UCHL3: variants seen among roughly 807,000 people sequenced by gnomAD.
The protein encoded by UCHL3 is ubiquitin carboxyl-terminal hydrolase isozyme L3.
Under a neutral mutation model 35.8 loss-of-function variants are expected in UCHL3, and 22 were observed. The ratio of observed to expected loss-of-function variants is 0.61; its 90% CI spans 0.44 to 0.88. The LOEUF (loss-of-function observed/expected upper bound fraction) is 0.88, where lower values mean the gene tolerates loss of function less well. Among genes scored for constraint, UCHL3 ranks in the 40% least tolerant of loss-of-function variants. The probability of loss-of-function intolerance (pLI) is 0.00; values close to 1 mark genes in which losing one functional copy is unlikely to be tolerated. For synonymous variants in UCHL3, 90 were observed against 92.8 expected (o/e 0.97, Z 0.17); for missense variants, 229 against 276.9 (o/e 0.83, Z 1.23).
intron 7 of UCHL3, among the ~76,000 whole-genome samples, chr13:75,595,872 C>A (rs2032634531): frequency 6.6e-6 from 1 of 151,382 alleles, no homozygotes; most frequent in African/African-American, 2.4e-5. Context: ...ACAGAATAAA[C>A]TTCTTGTAAT....
chr13:75,553,076 G>T (rs1459295730), intron 2 of UCHL3, among the ~76,000 whole-genome samples: 2 of 152,160 alleles, frequency 1.3e-5, no homozygotes, highest in East Asian at 1.9e-4. Flanking sequence ...GTTAGAAAAA[G>T]AATTAGAGGT....
At chr13:75,577,982 A>G (rs2032074028) in intron 6 of UCHL3, among the ~76,000 whole-genome samples, 1 of 152,178 alleles carries the variant, frequency 6.6e-6, no homozygotes, top group Admixed American at 6.5e-5. Context: ...GTAAATTAAT[A>G]ATAATAATGA....
chr13:75,554,497 AGGCTATTCCAAATAC>A (rs1460889558), intron 2 of UCHL3, among the ~76,000 whole-genome samples: 1 of 152,192 alleles, frequency 6.6e-6, no homozygotes, highest in Non-Finnish European at 1.5e-5. Flanking sequence ...CTTCTTGCAA[AGGCTATTCCAAATAC>A]GGCTATTCCA....
chr13:75,593,780 T>C (rs542127195), intron 6 of UCHL3, among the ~76,000 whole-genome samples: 1 of 152,338 alleles, frequency 6.6e-6, no homozygotes, highest in African/African-American at 2.4e-5. Flanking sequence ...ATAAATGTTT[T>C]AGAAACATTC....
chr13:75,558,554 C>T (rs566647780), intron 2 of UCHL3, among the ~76,000 whole-genome samples: 27 of 152,126 alleles, frequency 1.8e-4, no homozygotes, highest in Non-Finnish European at 3.4e-4. Flanking sequence ...TATCAGGGTT[C>T]ATGATACTTT....
chr13:75,598,212 C>G (rs1379060218), intron 7 of UCHL3, among the ~76,000 whole-genome samples: 4 of 152,178 alleles, frequency 2.6e-5, no homozygotes, highest in Non-Finnish European at 4.4e-5. Context: ...CATACATCCT[C>G]CCACAGATTA....
At chr13:75,593,435 C>G (rs1247356095) in intron 6 of UCHL3, among the ~76,000 whole-genome samples, 1 of 152,076 alleles carries the variant, frequency 6.6e-6, no homozygotes, top group African/African-American at 2.4e-5. Context: ...AGGGATTAGA[C>G]TTTTTTCTAA....
intron 5 of UCHL3, among the ~76,000 whole-genome samples, chr13:75,568,953 T>C (rs1217079287): frequency 6.6e-6 from 1 of 152,230 alleles, no homozygotes; most frequent in Non-Finnish European, 1.5e-5. Flanking sequence ...TGGTTTTTTT[T>C]TAGTTCAGGA....
chr13:75,574,229 A>AG (rs1427287654), intron 6 of UCHL3, among the ~76,000 whole-genome samples: 1 of 152,024 alleles, frequency 6.6e-6, no homozygotes, highest in Admixed American at 6.6e-5. Flanking sequence ...AAAAAAAAAA[A>AG]TGTCACTTTT....
At chr13:75,582,194 T>C (rs1294665297) in intron 6 of UCHL3, among the ~76,000 whole-genome samples, 2 of 152,012 alleles carry the variant, frequency 1.3e-5, no homozygotes, top group Non-Finnish European at 2.9e-5. Context: ...TGTAAGTGAA[T>C]GTGTGTGTGT....
At chr13:75,578,826 A>G (rs1402711669) in intron 6 of UCHL3, among the ~76,000 whole-genome samples, 1 of 152,094 alleles carries the variant, frequency 6.6e-6, no homozygotes, top group Non-Finnish European at 1.5e-5. Flanking sequence ...GTATGTCATC[A>G]TAAATATATA....
intron 2 of UCHL3, among the ~76,000 whole-genome samples, chr13:75,559,329 C>T (rs555125331): frequency 3.9e-5 from 6 of 152,154 alleles, no homozygotes; most frequent in East Asian, 1.9e-4. Context: ...CGTGAGCCAC[C>T]GCGCCCGGCC....
chr13:75,563,865 G>A (rs908512660), intron 3 of UCHL3, among the ~76,000 whole-genome samples: 56 of 151,018 alleles, frequency 3.7e-4, no homozygotes, highest in Middle Eastern at 3.4e-3. Flanking sequence ...TGTCCTTCAG[G>A]TTCATCCATG....
chr13:75,593,379 G>C (rs1184757690), intron 6 of UCHL3, among the ~76,000 whole-genome samples: 1 of 152,146 alleles, frequency 6.6e-6, no homozygotes, highest in African/African-American at 2.4e-5. Flanking sequence ...GAAAGTAAGG[G>C]AACTCATTAT....
At chr13:75,594,695 T>C (rs113435747) in intron 6 of UCHL3, among the ~76,000 whole-genome samples, 5 of 152,322 alleles carry the variant, frequency 3.3e-5, no homozygotes, top group African/African-American at 9.6e-5. Context: ...ATTAAGAAAG[T>C]TGTGCTTTTA....
chr13:75,576,865 G>A (rs969721956), intron 6 of UCHL3, among the ~76,000 whole-genome samples: 2 of 152,122 alleles, frequency 1.3e-5, no homozygotes, highest in African/African-American at 2.4e-5. Flanking sequence ...TGATATATAC[G>A]TGCCCAGTTA....
intron 1 of UCHL3, 39 bp downstream of exon 1, chr13:75,549,901 T>C: frequency 6.2e-7 from 1 of 1,614,006 alleles, no homozygotes; most frequent in African/African-American, 1.3e-5. Context: ...CGTGGGCAGG[T>C]GCAGAGGGAG....
intron 2 of UCHL3, among the ~76,000 whole-genome samples, chr13:75,557,452 A>G (rs2031331476): frequency 6.6e-6 from 1 of 152,244 alleles, no homozygotes; most frequent in African/African-American, 2.4e-5. Context: ...CAATTGGCCA[A>G]AATTTTAGAG....
chr13:75,587,072 T>C (rs899854745), intron 6 of UCHL3, among the ~76,000 whole-genome samples: 2 of 107,540 alleles, frequency 1.9e-5, no homozygotes, highest in African/African-American at 6.7e-5. Flanking sequence ...AAGGTAGAAA[T>C]AACAAAGGTA....
Sources: allele counts gnomAD v4.1 joint callset (sites outside exome capture counted in the v4.1 genomes callset), GRCh38; gene constraint gnomAD v4.1.1; transcripts MANE v1.5; gene names NCBI Gene and HGNC (gene_info 2026-07-23, HGNC 2026-07-21).